The following ADH1A variants were observed in gnomAD, a reference collection of about 807,000 sequenced individuals.
ADH1A encodes alcohol dehydrogenase 1A (class I), alpha polypeptide, also known as alcohol dehydrogenase 1A.
Under a neutral mutation model 35.2 loss-of-function variants are expected in ADH1A, and 29 were observed. That is an observed-to-expected ratio of 0.82 (90% confidence interval 0.61 to 1.12). ADH1A has a LOEUF of 1.12. Among genes scored for constraint, ADH1A ranks in the 50% most tolerant of loss-of-function variants. The pLI is 0.00. For synonymous variants in ADH1A, 147 were observed against 164.8 expected, an observed-to-expected ratio of 0.89 and a Z score of 0.83; for missense variants, 469 against 464.7, an observed-to-expected ratio of 1.01 and a Z score of -0.09.
At chr4:99,282,019 T>C (rs12508502) in intron 6 of ADH1A, 28,280 of 315,744 alleles carry the variant, frequency 0.09, 1,843 homozygotes, top group Admixed American at 0.25. Context: ...CATTCCAATT[T>C]GAGAACAGAA....
chr4:99,277,044 C>T (rs1008791928), intron 8 of ADH1A, among the ~76,000 whole-genome samples: 3 of 152,020 alleles, frequency 2.0e-5, no homozygotes, highest in African/African-American at 7.2e-5. Context: ...ACCTAAACAT[C>T]AACACTAGGA....
At chr4:99,276,896 G>A (rs927992289) in intron 8 of ADH1A, among the ~76,000 whole-genome samples, 4 of 152,030 alleles carry the variant, frequency 2.6e-5, no homozygotes, top group South Asian at 4.2e-4. Flanking sequence ...TCAATACTAC[G>A]TTAGCATCTT....
In ADH1A at chr4:99,284,549, G is replaced by C. The variant is rs1733095691; in HGVS notation, c.417C>G (p.His139Gln). The change falls in exon 5 of 9, where the codon CAC becomes CAG. Residue 139 changes from histidine to glutamine, a missense_variant. By Grantham distance (24) the His-to-Gln change is conservative. Coordinates refer to ENST00000209668, the MANE Select transcript of ADH1A (RefSeq NM_000667.4). ...AGAAGGTGCTGATGCCAAGGAAGTG[G>C]TGGATGGGCTTCCTCCTGCAGGTGA... is the stretch of plus-strand genomic sequence containing the variant. ...SRFTCRRKPI[H>Q]HFLGISTFSQ... 1 of 1,614,114 alleles carries C rather than the reference G, an allele frequency of 6.2e-7. No individual in the cohort carries two copies. Among genetic ancestry groups the C allele is most frequent in the Non-Finnish European group, 8.5e-7 (1 of 1,180,056 alleles).
chr4:99,286,637 G>T, intron 3 of ADH1A: 1 of 724,862 alleles, frequency 1.4e-6, no homozygotes, highest in Non-Finnish European at 2.2e-6. Flanking sequence ...CAGATGCTCA[G>T]TACATAATTG....
chr4:99,284,454 C>T lies in ADH1A; in HGVS notation c.512G>A (p.Cys171Tyr). ...IDAASPLEKV[C>Y]LIGCGFSTGY... is the part of the protein sequence containing the mutation. Reference sequence around the variant, plus strand: ...AGTTGAAAATCCACAGCCAATGAGACAGACTTTCTCTAGAGGCGAGGCTGC... The same window carrying T: ...AGTTGAAAATCCACAGCCAATGAGATAGACTTTCTCTAGAGGCGAGGCTGC... The change falls in exon 5 of 9, where the codon TGT (cysteine) becomes TAT (tyrosine). Residue 171 changes from cysteine (C) to tyrosine (Y), a missense_variant. Cys to Tyr is a radical substitution (Grantham distance 194, BLOSUM62 -2). Transcript: ENST00000209668. 3.1e-6 allele frequency: 5 copies of T among 1,614,138 alleles called. No homozygotes were observed. The highest frequency in any genetic ancestry group is 4.2e-6 in the Non-Finnish European group (5 of 1,179,982).
chr4:99,285,579 AGTT>A (rs1345173505), intron 3 of ADH1A, among the ~76,000 whole-genome samples: 1 of 152,178 alleles, frequency 6.6e-6, no homozygotes, highest in Non-Finnish European at 1.5e-5. Flanking sequence ...ATTATTTAGT[AGTT>A]ATTATTAGTA....
intron 8 of ADH1A, 51 bp from the exon 9 acceptor site, chr4:99,276,699 G>C (rs1477415322): frequency 3.3e-6 from 5 of 1,531,896 alleles, no homozygotes; most frequent in Non-Finnish European, 4.5e-6. Flanking sequence ...ATGCTTCCAT[G>C]TGAGAGTCCA....
At chr4:99,282,201 TAAACA>T in intron 6 of ADH1A, 140 bp downstream of exon 6, 2 of 1,492,672 alleles carry the variant, frequency 1.3e-6, no homozygotes, top group Non-Finnish European at 1.9e-6. Context: ...AACAATAAAT[TAAACA>T]AGCCAGGTAA....
intron 3 of ADH1A, 192 bp downstream of exon 3, chr4:99,286,658 G>T (rs868251826): frequency 2.3e-6 from 2 of 887,252 alleles, no homozygotes; most frequent in South Asian, 1.8e-5. Flanking sequence ...TTGAAGGGTA[G>T]AATACATGCG....
intron 6 of ADH1A, chr4:99,281,343 T>C (rs1732995832): frequency 1.3e-5 from 2 of 152,212 alleles, no homozygotes; most frequent in South Asian, 4.1e-4. Context: ...TAGAGATGTG[T>C]TTCCCATTGC....
chr4:99,286,687 C>G, intron 3 of ADH1A, 163 bp downstream of exon 3: 1 of 1,222,062 alleles, frequency 8.2e-7, no homozygotes. Context: ...GACATACATG[C>G]TTGAGTCAGG....
At chr4:99,285,935 T>C (rs909392434) in intron 3 of ADH1A, among the ~76,000 whole-genome samples, 4 of 142,554 alleles carry the variant, frequency 2.8e-5, no homozygotes, top group Non-Finnish European at 6.0e-5. Flanking sequence ...GGCAGGAGAA[T>C]GGCGTGAACC....
intron 5 of ADH1A, among the ~76,000 whole-genome samples, chr4:99,283,845 G>A (rs1270616891): frequency 2.0e-5 from 3 of 152,172 alleles, no homozygotes; most frequent in Admixed American, 6.5e-5. Context: ...GCAGTGAAAT[G>A]TCATAATGAG....
At chr4:99,282,745 A>G in intron 5 of ADH1A, 139 bp from the exon 6 acceptor site, 1 of 1,381,458 alleles carries the variant, frequency 7.2e-7, no homozygotes, top group Non-Finnish European at 9.7e-7. Flanking sequence ...TTATTTTTAA[A>G]TTCATGGAGT....
chr4:99,282,076 T>C (rs2110605719), intron 6 of ADH1A: 1 of 518,516 alleles, frequency 1.9e-6, no homozygotes, highest in East Asian at 3.2e-5. Context: ...TAACTAAAAA[T>C]TAACAAAGTA....
chr4:99,283,643 G>C (rs1323936065), intron 5 of ADH1A, among the ~76,000 whole-genome samples: 1 of 152,162 alleles, frequency 6.6e-6, no homozygotes, highest in Admixed American at 6.5e-5. Context: ...AGATATTTTA[G>C]TCTCAGCTCT....
At chr4:99,286,229 G>A (rs972193493) in intron 3 of ADH1A, among the ~76,000 whole-genome samples, 3 of 152,084 alleles carry the variant, frequency 2.0e-5, no homozygotes, top group Non-Finnish European at 4.4e-5. Context: ...ATTTAAGCAT[G>A]GCTGAAAGTA....
At chr4:99,285,788 C>T (rs1029559254) in intron 3 of ADH1A, among the ~76,000 whole-genome samples, 2 of 151,666 alleles carry the variant, frequency 1.3e-5, no homozygotes, top group African/African-American at 2.4e-5. Context: ...TTTGGGAGGC[C>T]GAGGCAGGCA....
intron 3 of ADH1A, among the ~76,000 whole-genome samples, chr4:99,285,065 A>T (rs1208657750): frequency 1.3e-5 from 2 of 152,196 alleles, no homozygotes; most frequent in African/African-American, 4.8e-5. Flanking sequence ...CTTCCACTGT[A>T]TTAACAGTTA....
Sources: allele counts gnomAD v4.1 joint callset (sites outside exome capture counted in the v4.1 genomes callset), GRCh38; gene constraint gnomAD v4.1.1; transcripts MANE v1.5; gene names NCBI Gene and HGNC (gene_info 2026-07-23, HGNC 2026-07-21).